The following FBN2 variants were observed in gnomAD, a reference collection of about 807,000 sequenced individuals.
The protein encoded by FBN2 is fibrillin-2.
A neutral mutation model predicts 355.6 loss-of-function variants in FBN2; 105 were observed. That is an observed-to-expected ratio of 0.30 (90% confidence interval 0.25 to 0.35). FBN2 has a LOEUF of 0.35. Ranked by LOEUF, FBN2 falls within the 10% of genes least tolerant of loss-of-function variation. The pLI is 1.00. For missense variants in FBN2, 3,280 were observed against 3,758.7 expected, an observed-to-expected ratio of 0.87 and a Z score of 3.33; for synonymous variants, 1,350 against 1,301.2, an observed-to-expected ratio of 1.04 and a Z score of -0.81.
intron 39 of FBN2, among the ~76,000 whole-genome samples, 172 bp from the exon 40 acceptor site, chr5:128,310,280 T>C (rs1164375769): frequency 2.0e-5 from 3 of 150,086 alleles, no homozygotes; most frequent in East Asian, 1.9e-4. Context: ...TACATCTTTC[T>C]TCAAAAGAAA....
In FBN2 at chr5:128,395,162, G is replaced by A; in HGVS notation, c.1191C>T (p.Gly397=). The change falls in exon 9 of 65, where the codon GGC becomes GGT. Residue 397 remains glycine, a synonymous_variant. Transcript: ENST00000262464. ...GACAGGCTTCAGGAATGGTTCCGAT[G>A]CCCCAGCAGCGGCCAGGCTCACAGC... is the stretch of plus-strand genomic sequence containing the variant. ...QCCCEPGRCW[G]IGTIPEACPV... 1 of 1,614,076 alleles carries A rather than the reference G, an allele frequency of 6.2e-7. No homozygotes were observed. The highest frequency in any genetic ancestry group is 8.5e-7 in the Non-Finnish European group (1 of 1,180,008).
rs1060503505 is a variant in FBN2 at position 128,395,246 on chromosome 5, G to A, written c.1107C>T (p.Gly369=). The part of the protein sequence containing the change: ...IDQRTGMCFS[G]LVNGRCAQEL... ...CTTGTGCACAGCGGCCATTCACCAG[G>A]CCCGAGAAACACATGCCTGTTCTCT... Residue 369 remains glycine (G), a synonymous_variant, in exon 9 of 65, where the codon GGC becomes GGT. Coordinates refer to ENST00000262464, the MANE Select transcript of FBN2 (RefSeq NM_001999.4). 1 of 1,614,044 alleles carries A rather than the reference G, an allele frequency of 6.2e-7. No homozygotes were observed. The highest frequency in any genetic ancestry group is 8.5e-7 in the Non-Finnish European group (1 of 1,180,008).
intron 5 of FBN2, among the ~76,000 whole-genome samples, chr5:128,518,269 G>T (rs1756340444): frequency 7.0e-6 from 1 of 143,056 alleles, no homozygotes; most frequent in Non-Finnish European, 1.6e-5. Flanking sequence ...CATAATGAGG[G>T]ATCAATGCCA....
rs79550830 is a variant in FBN2, at chr5:128,476,712, G to A, written c.629-11791C>T. 6.5e-3 allele frequency among the ~76,000 whole-genome samples: 986 copies of A among 151,688 alleles called. 8 individuals are homozygous for A. The highest frequency in any genetic ancestry group is 0.023 in the African/African-American group (940 of 41,434). On this transcript the variant is annotated intron_variant, in intron 5 of 64. Coordinates refer to ENST00000262464, the MANE Select transcript of FBN2 (RefSeq NM_001999.4). ...CATAATCAAAAAGCGTGTCTTAATA[G>A]ACAGGTTTACAGCTTTGTACCATAT...
intron 5 of FBN2, among the ~76,000 whole-genome samples, chr5:128,479,974 CTCTATA>C (rs1401822299): frequency 7.6e-4 from 13 of 17,214 alleles, no homozygotes; most frequent in East Asian, 1.7e-3. Flanking sequence ...CTCTCTCTCT[CTCTATA>C]TATATATATA....
chr5:128,459,030 A>C (rs1029671091), intron 6 of FBN2, among the ~76,000 whole-genome samples: 1 of 152,130 alleles, frequency 6.6e-6, no homozygotes, highest in African/African-American at 2.4e-5. Flanking sequence ...TTTTGAAAAA[A>C]ATTAATGAAA....
In FBN2 at chr5:128,277,940, A is replaced by G; in HGVS notation, c.7411T>C (p.Ser2471Pro). The G allele has an allele frequency of 6.2e-7, 1 of 1,614,086 alleles. No homozygotes were observed. The highest frequency in any genetic ancestry group is 8.5e-7 in the Non-Finnish European group (1 of 1,179,966). ...CCAACCTTGCAGAAGCATCGGAATG[A>G]GCCCATGGTATTGATGCACTGACCA... Reference protein sequence around the residue: ...TNGQCINTMGSFRCFCKVGYT... With the variant: ...TNGQCINTMGPFRCFCKVGYT... Residue 2471 changes from serine to proline, a missense_variant, in exon 58 of 65, where the codon TCA becomes CCA. Transcript: ENST00000262464.
At chr5:128,522,855 G>A (rs148307974) in intron 4 of FBN2, among the ~76,000 whole-genome samples, 63 of 152,240 alleles carry the variant, frequency 4.1e-4, no homozygotes, top group African/African-American at 1.3e-3. Context: ...GACCACTCAG[G>A]AAGAAAACTG....
intron 3 of FBN2, among the ~76,000 whole-genome samples, chr5:128,528,929 T>C (rs1281033489): frequency 6.6e-6 from 1 of 152,212 alleles, no homozygotes; most frequent in African/African-American, 2.4e-5. Context: ...TCTGAGATAA[T>C]TATTTTCCAG....
chr5:128,277,853 C>G (rs1489400007), intron 58 of FBN2, 27 bp downstream of exon 58: 2 of 1,613,816 alleles, frequency 1.2e-6, no homozygotes, highest in Admixed American at 1.7e-5. Context: ...CCCCCAAACC[C>G]CTGGATATAG....
intron 46 of FBN2, 135 bp downstream of exon 46, chr5:128,302,838 G>T: frequency 1.5e-6 from 1 of 689,568 alleles, no homozygotes; most frequent in Non-Finnish European, 2.6e-6. Flanking sequence ...ACCAGTCAAT[G>T]AAATTATATA....
intron 2 of FBN2, among the ~76,000 whole-genome samples, chr5:128,534,522 C>T (rs369316640): frequency 5.9e-5 from 9 of 152,266 alleles, no homozygotes; most frequent in South Asian, 2.1e-4. Flanking sequence ...TTTGTAGATA[C>T]GTCTTGACAC....
chr5:128,281,750 A>G (rs1377350433), intron 55 of FBN2, among the ~76,000 whole-genome samples: 2 of 152,152 alleles, frequency 1.3e-5, no homozygotes, highest in African/African-American at 4.8e-5. Flanking sequence ...CAGTGGTGCA[A>G]TCTTGGCTCA....
chr5:128,345,606 A>C, intron 23 of FBN2, 22 bp from the exon 24 acceptor site: 1 of 1,593,964 alleles, frequency 6.3e-7, no homozygotes, highest in Non-Finnish European at 8.6e-7. Flanking sequence ...ACGAAATCAC[A>C]GGGTGAGAAT....
intron 17 of FBN2, chr5:128,365,198 T>C (rs564825103): frequency 1.8e-5 from 3 of 163,928 alleles, no homozygotes; most frequent in African/African-American, 7.2e-5. Context: ...GTGTTTCTCA[T>C]TGCTGATACT....
intron 10 of FBN2, among the ~76,000 whole-genome samples, chr5:128,392,723 T>C (rs911148395): frequency 2.0e-5 from 3 of 152,164 alleles, no homozygotes; most frequent in African/African-American, 7.2e-5. Context: ...GGAGAAATGG[T>C]TCTGGAAAAT....
rs1753307833 is a variant in FBN2, at chr5:128,420,082, A to G, written c.953-11283T>C. ...ATATGGGGCTGGATTTTTTTCTTCA[A>G]TTTTCAGAGACTTTATATTGTTGGT... On this transcript the variant is annotated intron_variant, in intron 7 of 64. Coordinates refer to ENST00000262464, the MANE Select transcript of FBN2 (RefSeq NM_001999.4). 2.6e-5 allele frequency among the ~76,000 whole-genome samples: 4 copies of G among 151,996 alleles called. No homozygotes were observed. In the South Asian group the frequency reaches 8.3e-4, roughly 31 times the overall value.
chr5:128,436,193 G>A (rs905087450), intron 7 of FBN2, among the ~76,000 whole-genome samples: 3 of 152,176 alleles, frequency 2.0e-5, no homozygotes, highest in African/African-American at 7.2e-5. Flanking sequence ...GAGGTGCTAA[G>A]TGCTCATTTT....
At chr5:128,332,010 T>C (rs1457594433) in intron 32 of FBN2, among the ~76,000 whole-genome samples, 2 of 152,202 alleles carry the variant, frequency 1.3e-5, no homozygotes, top group African/African-American at 2.4e-5. Context: ...ACTAAGCCAT[T>C]GCAGGATGTT....
Sources: gnomAD v4.1 joint callset for allele counts (sites outside exome capture counted in the v4.1 genomes callset) on GRCh38, gnomAD v4.1.1 for gene constraint, MANE v1.5 for transcripts, NCBI Gene and HGNC (gene_info 2026-07-23, HGNC 2026-07-21) for gene names.